The following ANKRD26 variants were observed in gnomAD, a reference collection of about 807,000 sequenced individuals.
The protein encoded by ANKRD26 is ankyrin repeat domain-containing protein 26.
In ANKRD26, 141 loss-of-function variants were observed where a neutral mutation model predicts 208.7. The observed-to-expected ratio is 0.68, with a 90% CI of 0.59 to 0.78. The LOEUF (loss-of-function observed/expected upper bound fraction) is 0.78, where lower values mean the gene tolerates loss of function less well. ANKRD26 is among the 30% of genes least tolerant of loss of function. The pLI, the probability that ANKRD26 is intolerant of heterozygous loss-of-function variation, is 0.00. For missense variants in ANKRD26, 1,889 were observed against 1,938.7 expected (o/e 0.97, Z 0.48); for synonymous variants, 636 against 660.4 (o/e 0.96, Z 0.57).
Position 27,036,378 on chromosome 10 carries a change from T to A in ANKRD26, c.2698-626A>T, listed in dbSNP as rs543368234. ...AAAAAAGCAGCTGTATGATTTTCCC[T>A]GGGTCTTCTGACTCTATTTATAGTG... On this transcript the variant is annotated intron_variant, in intron 23 of 33. Transcript: ENST00000376087. Among the ~76,000 whole-genome samples the A allele has an allele frequency of 5.3e-5, 8 of 152,130 alleles. No individual in the cohort carries two copies. The South Asian group carries it at 1.7e-3, about 32-fold the overall frequency.
At chr10:27,028,739 C>T in intron 27 of ANKRD26, 113 bp downstream of exon 27, 2 of 889,682 alleles carry the variant, frequency 2.2e-6, no homozygotes, top group Non-Finnish European at 3.5e-6. Flanking sequence ...AAAAAAAATC[C>T]AAAATCTGAA....
intron 18 of ANKRD26, among the ~76,000 whole-genome samples, chr10:27,045,514 A>G (rs900216965): frequency 6.6e-6 from 1 of 152,042 alleles, no homozygotes; most frequent in Non-Finnish European, 1.5e-5. Context: ...TTAGAACTTT[A>G]TAATCTAAAA....
rs1323341115 is a variant in ANKRD26, at chr10:27,092,975, C to A, written c.531+374G>T. Among the ~76,000 whole-genome samples the A allele has an allele frequency of 2.0e-5, 3 of 152,050 alleles. No individual in the cohort carries two copies. The East Asian group carries it at 5.8e-4, about 29-fold the overall frequency. On this transcript the variant is annotated intron_variant, in intron 3 of 33. Coordinates refer to ENST00000376087, the MANE Select transcript of ANKRD26 (RefSeq NM_014915.3). ...GTGGGTACCTGTAATCCCAGCTACT[C>A]AGGAGGCTGAGGCAGGAGAATTGCT... is the stretch of plus-strand genomic sequence containing the variant.
chr10:27,037,556 A>T lies in ANKRD26; in HGVS notation c.2560-233T>A, dbSNP rs557394288. On this transcript the variant is annotated intron_variant, in intron 22 of 33. Coordinates refer to ENST00000376087, the MANE Select transcript of ANKRD26 (RefSeq NM_014915.3). ...GGCAAATATAGAATTGTGAAATAAA[A>T]TGTCAAAACATTTTACTAGTTTCAT... Among the ~76,000 whole-genome samples, 6 of 152,310 alleles carry T rather than the reference A, an allele frequency of 3.9e-5. No homozygotes were observed. In the East Asian group the frequency reaches 1.2e-3, roughly 29 times the overall value.
chr10:27,003,305 C>A (rs937293971), downstream of ANKRD26, among the ~76,000 whole-genome samples: 1 of 152,130 alleles, frequency 6.6e-6, no homozygotes, highest in Admixed American at 6.6e-5. Flanking sequence ...CAGGGGGCAT[C>A]TGAACACCAA....
At chr10:26,999,662 C>T (rs2052675231), downstream of ANKRD26, among the ~76,000 whole-genome samples, 2 of 152,106 alleles carry the variant, frequency 1.3e-5, no homozygotes, top group Non-Finnish European at 2.9e-5. Context: ...CAGACACCTT[C>T]ACATGATTCT....
chr10:27,049,513 C>G (rs985201821), intron 16 of ANKRD26, among the ~76,000 whole-genome samples: 1 of 152,108 alleles, frequency 6.6e-6, no homozygotes, highest in African/African-American at 2.4e-5. Flanking sequence ...AAGGTGCTCA[C>G]TGAAATACAG....
At position 27,057,813 on chromosome 10, in the gene ANKRD26, T is replaced by C. The variant is rs542216399; in HGVS notation, c.1564+2532A>G. ...TTAGCTGGCCTTGTTGGCGCGCGCCTGTAGCCCTAGCTACTCAGGAGGCTG... is the reference window on the plus strand; with the variant it reads ...TTAGCTGGCCTTGTTGGCGCGCGCCCGTAGCCCTAGCTACTCAGGAGGCTG... On this transcript the variant is annotated intron_variant, in intron 15 of 33. Transcript: ENST00000376087. 3.3e-5 allele frequency among the ~76,000 whole-genome samples: 5 copies of C among 152,084 alleles called. No individual in the cohort carries two copies. In the South Asian group the frequency reaches 1.0e-3, roughly 32 times the overall value.
At chr10:26,957,773 T>C in the ANKRD26 span, among the ~76,000 whole-genome samples, 1 of 152,178 alleles carries the variant, frequency 6.6e-6, no homozygotes, top group African/African-American at 2.4e-5. Context: ...GGTGTAGGAT[T>C]AGATTAGGAA....
chr10:26,977,131 C>T (rs569341232), intron 5 of ANKRD26, among the ~76,000 whole-genome samples: 22 of 152,312 alleles, frequency 1.4e-4, no homozygotes, highest in African/African-American at 5.3e-4. Context: ...AATAATACTT[C>T]CCATTTGAAG....
chr10:27,022,506 T>C (rs2053523745), intron 29 of ANKRD26, 52 bp downstream of exon 29: 1 of 1,375,500 alleles, frequency 7.3e-7, no homozygotes, highest in Non-Finnish European at 1.0e-6. Flanking sequence ...GAGAAGTCTA[T>C]ATTTCCCAAA....
chr10:26,972,113 T>C (rs1314071042), downstream of ANKRD26, among the ~76,000 whole-genome samples: 1 of 151,628 alleles, frequency 6.6e-6, no homozygotes, highest in Non-Finnish European at 1.5e-5. Context: ...CGGGCGCCTG[T>C]AGTCCCAGCT....
chr10:26,980,698 G>A (rs2052294430), exon 5 of ANKRD26, among the ~76,000 whole-genome samples: 1 of 152,198 alleles, frequency 6.6e-6, no homozygotes, highest in South Asian at 2.1e-4. Context: ...AGGAGACGGA[G>A]TTGTAGAAGT....
chr10:27,100,104 C>A lies in ANKRD26; in HGVS notation c.223G>T (p.Asp75Tyr), dbSNP rs750596112. The A allele has an allele frequency of 3.7e-6, 6 of 1,614,076 alleles. No homozygotes were observed. The highest frequency in any genetic ancestry group is 2.2e-5 in the East Asian group (1 of 44,882). ...TATTACCTGTTCATCTTGTCTCTAT[C>A]GTTCAAGCCATTCTTCCTGAGCAAA... ...ILLLRKNGLN[D>Y]RDKMNRTALH... Residue 75 changes from aspartate to tyrosine, a missense_variant, in exon 1 of 34, where the codon GAT becomes TAT. This residue lies in a region of ANKRD26 where 1,272 missense variants were observed against 1,273.8 expected (regional missense o/e 1.00). Transcript: ENST00000376087.
At chr10:27,025,721 C>T (rs2053638727) in intron 27 of ANKRD26, among the ~76,000 whole-genome samples, 1 of 152,096 alleles carries the variant, frequency 6.6e-6, no homozygotes. Context: ...ATGCTGAGTC[C>T]TGTCCCCTTC....
intron 6 of ANKRD26, among the ~76,000 whole-genome samples, chr10:27,079,424 TAATA>T (rs1366966735): frequency 6.6e-6 from 1 of 152,234 alleles, no homozygotes; most frequent in Non-Finnish European, 1.5e-5. Flanking sequence ...GTTCTATAAC[TAATA>T]GTGACAGCCA....
chr10:27,015,480 C>T (rs2053259682), intron 30 of ANKRD26, among the ~76,000 whole-genome samples: 1 of 152,258 alleles, frequency 6.6e-6, no homozygotes, highest in South Asian at 2.1e-4. Flanking sequence ...TGGGAAACTA[C>T]ACTGGCTTAT....
chr10:27,006,393 T>C (rs2052882263), intron 33 of ANKRD26, among the ~76,000 whole-genome samples: 1 of 152,192 alleles, frequency 6.6e-6, no homozygotes, highest in Non-Finnish European at 1.5e-5. Flanking sequence ...GGTATTTTTA[T>C]TCCATGCTAA....
At chr10:27,024,710 A>T (rs1367010854) in intron 27 of ANKRD26, 151 bp from the exon 28 acceptor site, 5 of 452,330 alleles carry the variant, frequency 1.1e-5, no homozygotes, top group Non-Finnish European at 1.6e-5. Context: ...GGATTTGAAA[A>T]AATGACTTTT....
Sources: allele counts gnomAD v4.1 joint callset (sites outside exome capture counted in the v4.1 genomes callset), GRCh38; gene constraint gnomAD v4.1.1; regional missense constraint gnomAD v4.1.1; transcripts MANE v1.5; gene names NCBI Gene and HGNC (gene_info 2026-07-23, HGNC 2026-07-21).